Variants in GORASP1 observed in about 807,000 individuals in gnomAD.
The protein encoded by GORASP1 is golgi reassembly stacking protein 1.
A neutral mutation model predicts 37.7 loss-of-function variants in GORASP1; 31 were observed. The ratio of observed to expected loss-of-function variants is 0.82; its 90% CI spans 0.62 to 1.11. GORASP1 has a LOEUF of 1.11. Among genes scored for constraint, GORASP1 ranks in the 50% least tolerant of loss-of-function variants. GORASP1 has a pLI of 0.00. For missense variants in GORASP1, 476 were observed against 560.7 expected (o/e 0.85, Z 1.53); for synonymous variants, 204 against 224.8 (o/e 0.91, Z 0.83).
At position 39,103,537 on chromosome 3, in the gene GORASP1, G is replaced by A; in HGVS notation, c.80C>T (p.Pro27Leu). Reference sequence around the variant, plus strand: ...GGGCTCCAGGCCCGCCTGCTGGGCTGGGGAGTTCTCCTGCACCTATCCCAC... The same window carrying A: ...GGGCTCCAGGCCCGCCTGCTGGGCTAGGGAGTTCTCCTGCACCTATCCCAC... The part of the protein sequence containing the change: ...FHLHGVQENS[P>L]AQQAGLEPYF... The change falls in exon 2 of 9, where the codon CCA (proline) becomes CTA (leucine). Residue 27 changes from proline (P) to leucine (L), a missense_variant. Transcript: ENST00000319283. The surrounding 1 kb of genome is among the most constrained non-coding windows in gnomAD (Gnocchi z 5.2). 6.2e-7 allele frequency: 1 copy of A among 1,613,156 alleles called. No homozygotes were observed. Among genetic ancestry groups the A allele is most frequent in the Non-Finnish European group, 8.5e-7 (1 of 1,179,740 alleles).
rs759972379 is a variant in GORASP1, at chr3:39,100,988, G to C, written c.435+28C>G. On this transcript the variant is annotated intron_variant, in intron 4 of 8. Coordinates refer to ENST00000319283, the MANE Select transcript of GORASP1 (RefSeq NM_031899.4). The surrounding 1 kb of genome is among the most constrained non-coding windows in gnomAD (Gnocchi z 4.6). Reference sequence around the variant, plus strand: ...TCTTCACACCACATCCAGAGGGTCTGGGGAGGGGCAAATTGCGGGTTCCTC... The same window carrying C: ...TCTTCACACCACATCCAGAGGGTCTCGGGAGGGGCAAATTGCGGGTTCCTC... 6.2e-7 allele frequency: 1 copy of C among 1,613,784 alleles called. No individual in the cohort carries two copies. The highest frequency in any genetic ancestry group is 1.1e-5 in the South Asian group (1 of 91,076).
At chr3:39,099,613 C>G in intron 6 of GORASP1, 110 bp from the exon 7 acceptor site, 2 of 1,149,098 alleles carry the variant, frequency 1.7e-6, no homozygotes, top group Non-Finnish European at 2.5e-6. Flanking sequence ...GAACACTGCT[C>G]TGCCTAAAGG....
Position 39,102,521 on chromosome 3 carries a change from G to A in GORASP1, c.348+157C>T, listed in dbSNP as rs774451690. The A allele has an allele frequency of 1.5e-4, 103 of 710,084 alleles. No individual in the cohort carries two copies. Among genetic ancestry groups the A allele is most frequent in the Admixed American group, 3.0e-4 (14 of 45,996 alleles). 44.0% of individuals were successfully genotyped at this position (710,084 alleles called of 1,614,324 possible). ...ATGAGCTGCCCTCTCTGGGACACTG[G>A]AATGAGACCACATCCTGCCCTCAGT... is the stretch of plus-strand genomic sequence containing the variant. On this transcript the variant is annotated intron_variant, in intron 3 of 8. Transcript: ENST00000319283. The surrounding 1 kb of genome is among the most constrained non-coding windows in gnomAD (Gnocchi z 5.0).
intron 1 of GORASP1, 83 bp downstream of exon 1, chr3:39,107,396 C>T (rs2036264069): frequency 4.3e-6 from 4 of 936,916 alleles, no homozygotes; most frequent in African/African-American, 1.7e-5. Context: ...CCGCCGCAGT[C>T]GCCAGCCAGC....
Position 39,102,798 on chromosome 3 carries a change from G to T in GORASP1, c.228C>A (p.Thr76=). The T allele has an allele frequency of 5.0e-6, 8 of 1,614,152 alleles. No homozygotes were observed. The highest frequency in any genetic ancestry group is 5.9e-6 in the Non-Finnish European group (7 of 1,180,020). ...CCACCTCCACCTCGCGCACCCTCAT[G>T]GTCTTCATATTGAACACCTCCAGCT... The part of the protein sequence containing the change: ...PVKLEVFNMK[T]MRVREVEVVP... The change falls in exon 3 of 9, where the codon ACC becomes ACA. Residue 76 remains threonine, a synonymous_variant. Transcript: ENST00000319283. The surrounding 1 kb of genome is among the most constrained non-coding windows in gnomAD (Gnocchi z 5.0).
At position 39,100,753 on chromosome 3, in the gene GORASP1, T is replaced by C; in HGVS notation, c.560A>G (p.Glu187Gly). The C allele has an allele frequency of 2.5e-6, 4 of 1,613,626 alleles. No individual in the cohort carries two copies. The highest frequency in any genetic ancestry group is 3.4e-6 in the Non-Finnish European group (4 of 1,179,940). Residue 187 changes from glutamate to glycine, a missense_variant, in exon 5 of 9, where the codon GAG (glutamate) becomes GGG (glycine). Transcript: ENST00000319283. This position sits in a 1 kb window ranked among gnomAD's most constrained non-coding sequence, Gnocchi z 4.6. ...CTCCAACCCCACGAAGTACCTGCCC[T>C]CTCCACCCCAGGCTGCGTTGGGAGT... Reference protein sequence around the residue: ...TVTPNAAWGGEGSLGCGIGYG... With the variant: ...TVTPNAAWGGGGSLGCGIGYG...
At position 39,103,349 on chromosome 3, in the gene GORASP1, GA is replaced by G; in HGVS notation, c.144+123del. 4 of 695,872 alleles carry G rather than the reference GA, an allele frequency of 5.7e-6. No homozygotes were observed. The highest frequency in any genetic ancestry group is 9.8e-6 in the Non-Finnish European group (4 of 409,416). 43.1% of individuals were successfully genotyped at this position (695,872 alleles called of 1,614,324 possible). ...TGAGTACAGCCCTGGAAGAAGGGGAGACAGGGCTGGGACTCCCTTTAGAAAA... is the reference window on the plus strand; with the variant it reads ...TGAGTACAGCCCTGGAAGAAGGGGAGCAGGGCTGGGACTCCCTTTAGAAAA... On this transcript the variant is annotated intron_variant, in intron 2 of 8. Transcript: ENST00000319283. The surrounding 1 kb of genome is among the most constrained non-coding windows in gnomAD (Gnocchi z 5.2).
Position 39,107,556 on chromosome 3 carries a change from T to C in GORASP1, c.-15A>G, listed in dbSNP as rs779995649. On this transcript the variant is annotated 5_prime_UTR_variant, in exon 1 of 9. Coordinates refer to ENST00000319283, the MANE Select transcript of GORASP1 (RefSeq NM_031899.4). Reference sequence around the variant, plus strand: ...CCCAGGCCCATGGCAGCGGCTCCGCTCGGCACCCAGGTCCAGTCCCGCTGC... The same window carrying C: ...CCCAGGCCCATGGCAGCGGCTCCGCCCGGCACCCAGGTCCAGTCCCGCTGC... The C allele has an allele frequency of 2.0e-6, 3 of 1,489,120 alleles. No homozygotes were observed. Among genetic ancestry groups the C allele is most frequent in the Non-Finnish European group, 2.7e-6 (3 of 1,130,174 alleles). 92.2% of individuals were successfully genotyped at this position (1,489,120 alleles called of 1,614,324 possible).
chr3:39,103,362 C>T lies in GORASP1; in HGVS notation c.144+111G>A, dbSNP rs1180777864. On this transcript the variant is annotated intron_variant, in intron 2 of 8. Transcript: ENST00000319283. This position sits in a 1 kb window ranked among gnomAD's most constrained non-coding sequence, Gnocchi z 5.2. ...GGAAGAAGGGGAGACAGGGCTGGGA[C>T]TCCCTTTAGAAAAAAAGGGAGGGAA... The T allele has an allele frequency of 2.6e-6, 2 of 773,744 alleles. No individual in the cohort carries two copies. The highest frequency in any genetic ancestry group is 4.3e-6 in the Non-Finnish European group (2 of 468,864). The allele number at this position is 773,744 out of a possible 1,614,324, so 47.9% of individuals were successfully genotyped here.
Position 39,100,284 on chromosome 3 carries a change from T to C in GORASP1, c.765+21A>G. ...CTCTAGAGTTTTCTGTCTTCCCAGT[T>C]GGCAGATTCTCCCCACATACCTCCA... On this transcript the variant is annotated intron_variant, in intron 6 of 8. Coordinates refer to ENST00000319283, the MANE Select transcript of GORASP1 (RefSeq NM_031899.4). This position sits in a 1 kb window ranked among gnomAD's most constrained non-coding sequence, Gnocchi z 4.6. 5 of 1,609,524 alleles carry C rather than the reference T, an allele frequency of 3.1e-6. No homozygotes were observed. Among genetic ancestry groups the C allele is most frequent in the Non-Finnish European group, 4.3e-6 (5 of 1,175,880 alleles).
intron 1 of GORASP1, among the ~76,000 whole-genome samples, chr3:39,104,826 A>T (rs1479859907): frequency 6.6e-6 from 1 of 152,198 alleles, no homozygotes; most frequent in East Asian, 1.9e-4. Context: ...GGCCTGGCCC[A>T]GTAGGCAAGC....
chr3:39,100,554 CT>C lies in GORASP1; in HGVS notation c.567-52del. 1 of 1,511,592 alleles carries C rather than the reference CT, an allele frequency of 6.6e-7. No homozygotes were observed. Among genetic ancestry groups the C allele is most frequent in the South Asian group, 1.3e-5 (1 of 75,820 alleles). 93.6% of individuals were successfully genotyped at this position (1,511,592 alleles called of 1,614,324 possible). ...CCAGGGGCTTGTCCCACGGCCCTCC[CT>C]ACCTTTGCTATCCCCACCTACTACC... On this transcript the variant is annotated intron_variant, in intron 5 of 8. Transcript: ENST00000319283. This position sits in a 1 kb window ranked among gnomAD's most constrained non-coding sequence, Gnocchi z 4.6.
intron 1 of GORASP1, among the ~76,000 whole-genome samples, chr3:39,106,102 C>G (rs1221283212): frequency 6.6e-6 from 1 of 152,120 alleles, no homozygotes; most frequent in Non-Finnish European, 1.5e-5. Context: ...TACCACCTAC[C>G]ATGTATTTTT....
Position 39,102,502 on chromosome 3 carries a change from T to A in GORASP1, c.348+176A>T. The A allele has an allele frequency of 1.5e-6, 1 of 654,112 alleles. No homozygotes were observed. Among genetic ancestry groups the A allele is most frequent in the Non-Finnish European group, 2.7e-6 (1 of 367,658 alleles). The allele number at this position is 654,112 out of a possible 1,614,324, so 40.5% of individuals were successfully genotyped here. On this transcript the variant is annotated intron_variant, in intron 3 of 8. Coordinates refer to ENST00000319283, the MANE Select transcript of GORASP1 (RefSeq NM_031899.4). The surrounding 1 kb of genome is among the most constrained non-coding windows in gnomAD (Gnocchi z 5.0). ...ATACACTGTTCAGGTAGTAATGAGC[T>A]GCCCTCTCTGGGACACTGGAATGAG...
chr3:39,107,536 GC>G lies in GORASP1; in HGVS notation c.5del (p.Gly2AlafsTer47). On this transcript the variant is annotated frameshift_variant, in exon 1 of 9. Transcript: ENST00000319283. LOFTEE classifies it high-confidence loss of function. M[G>X]LGVSAEQPAG... is the part of the protein sequence containing the mutation. ...CGGGCTGCTCAGCGCTGACGCCCAG[GC>G]CCATGGCAGCGGCTCCGCTCGGCAC... The G allele has an allele frequency of 6.6e-7, 1 of 1,504,916 alleles. No homozygotes were observed. The highest frequency in any genetic ancestry group is 1.3e-5 in the South Asian group (1 of 79,520). The allele number at this position is 1,504,916 out of a possible 1,614,324, so 93.2% of individuals were successfully genotyped here. A position where few individuals can be genotyped will look rare whatever the true frequency, so the allele number is the denominator to read the frequency against.
At chr3:39,099,565 T>C in intron 6 of GORASP1, 62 bp from the exon 7 acceptor site, 2 of 1,543,920 alleles carry the variant, frequency 1.3e-6, no homozygotes, top group Non-Finnish European at 1.8e-6. Context: ...TGAAGAATTT[T>C]GCAGTCCAAC....
At chr3:39,099,061 G>C in intron 7 of GORASP1, 168 bp from the exon 8 acceptor site, 1 of 905,472 alleles carries the variant, frequency 1.1e-6, no homozygotes, top group Non-Finnish European at 1.8e-6. Flanking sequence ...CACACTGCCT[G>C]TTTCTGAGGA....
At position 39,100,166 on chromosome 3, in the gene GORASP1, G is replaced by T. The variant is rs892921680; in HGVS notation, c.765+139C>A. ...AGTGAGTTTCACTGCTCCAGGCATG[G>T]CCTGCCTGCTCCCACTGGGTCCCAG... On this transcript the variant is annotated intron_variant, in intron 6 of 8. Transcript: ENST00000319283. This position sits in a 1 kb window ranked among gnomAD's most constrained non-coding sequence, Gnocchi z 4.6. 1 of 790,306 alleles carries T rather than the reference G, an allele frequency of 1.3e-6. No homozygotes were observed. Among genetic ancestry groups the T allele is most frequent in the Non-Finnish European group, 2.2e-6 (1 of 464,968 alleles). 49.0% of individuals were successfully genotyped at this position (790,306 alleles called of 1,614,324 possible).
Position 39,102,112 on chromosome 3 carries a change from C to T in GORASP1, c.348+566G>A, listed in dbSNP as rs951643285. On this transcript the variant is annotated intron_variant, in intron 3 of 8. Coordinates refer to ENST00000319283, the MANE Select transcript of GORASP1 (RefSeq NM_031899.4). This position sits in a 1 kb window ranked among gnomAD's most constrained non-coding sequence, Gnocchi z 5.0. ...TAACCTACACATAGCCTACTAGACA[C>T]CTGGAGTATATGCTATGGCCTGTTG... Among the ~76,000 whole-genome samples, 3 of 152,130 alleles carry T rather than the reference C, an allele frequency of 2.0e-5. No individual in the cohort carries two copies. Among genetic ancestry groups the T allele is most frequent in the Non-Finnish European group, 2.9e-5 (2 of 68,032 alleles).
Sources: gnomAD v4.1 joint callset for allele counts (sites outside exome capture counted in the v4.1 genomes callset) on GRCh38, gnomAD v4.1.1 for gene constraint, Gnocchi (gnomAD v3.1) non-coding constraint, MANE v1.5 for transcripts, NCBI Gene and HGNC (gene_info 2026-07-23, HGNC 2026-07-21) for gene names.